Variants in GRIN2B observed in about 807,000 individuals in gnomAD.
GRIN2B encodes glutamate ionotropic receptor NMDA type subunit 2B.
In GRIN2B, 5 loss-of-function variants were observed where a neutral mutation model predicts 114.5. That is an observed-to-expected ratio of 0.04 (90% CI 0.02 to 0.09). GRIN2B has a LOEUF of 0.09. Ranked by LOEUF, GRIN2B falls within the 10% of genes least tolerant of loss-of-function variation. The pLI is 1.00. For synonymous variants in GRIN2B, 787 were observed against 745.1 expected (o/e 1.06, Z -0.92); for missense variants, 1,108 against 1,943.5 (o/e 0.57, Z 8.08).
chr12:13,620,743 A>G (rs1018427944), intron 5 of GRIN2B, among the ~76,000 whole-genome samples: 3 of 152,198 alleles, frequency 2.0e-5, no homozygotes, highest in Non-Finnish European at 4.4e-5. Context: ...TTTCTTTAGG[A>G]CAGGGGCTTT....
At chr12:13,793,173 G>A (rs966045718) in intron 3 of GRIN2B, among the ~76,000 whole-genome samples, 5 of 152,060 alleles carry the variant, frequency 3.3e-5, no homozygotes, top group African/African-American at 7.3e-5. Context: ...TTGGGAGGCC[G>A]AGGCGAGCAG....
intron 2 of GRIN2B, among the ~76,000 whole-genome samples, chr12:13,882,863 C>A (rs1866091739): frequency 6.6e-6 from 1 of 152,104 alleles, no homozygotes. Flanking sequence ...ACCACCATAA[C>A]CAAGATATAA....
chr12:13,954,575 C>T (rs754873485), intron 2 of GRIN2B, among the ~76,000 whole-genome samples: 13 of 151,824 alleles, frequency 8.6e-5, no homozygotes, highest in African/African-American at 1.7e-4. Context: ...TTTGGGAGGC[C>T]GAGGCGGGTG....
chr12:13,540,664 C>G lies in GRIN2B; in HGVS notation c.*22119G>C. ...AAAAAGACCCAGTCATCCGCCCCTC[C>G]CCCCACTCCAGAATCTCAATTGATC... On this transcript the variant is annotated 3_prime_UTR_variant, in exon 14 of 14. Coordinates refer to ENST00000609686, the MANE Select transcript of GRIN2B (RefSeq NM_000834.5). The G allele has an allele frequency of 6.6e-6, 1 of 151,962 alleles. No homozygotes were observed. Among genetic ancestry groups the G allele is most frequent in the Non-Finnish European group, 1.5e-5 (1 of 68,002 alleles). The allele number at this position is 151,962 out of a possible 1,614,324, so 9.4% of individuals were successfully genotyped here. A position where few individuals can be genotyped will look rare whatever the true frequency, so the allele number is the denominator to read the frequency against.
Position 13,822,070 on chromosome 12 carries a change from A to G in GRIN2B, c.411+43728T>C, listed in dbSNP as rs1591751235. Among the ~76,000 whole-genome samples, 3 of 152,254 alleles carry G rather than the reference A, an allele frequency of 2.0e-5. No homozygotes were observed. The South Asian group carries it at 6.2e-4, about 32-fold the overall frequency. The stretch of plus-strand genomic sequence containing the variant: ...ACAATTTCATTTCCTCTGCTTTTCT[A>G]TTCTGCCTTCTGAACTATAAGTATT... On this transcript the variant is annotated intron_variant, in intron 3 of 13. Transcript: ENST00000609686.
intron 2 of GRIN2B, among the ~76,000 whole-genome samples, chr12:13,892,604 A>C (rs1866282538): frequency 6.6e-6 from 1 of 152,200 alleles, no homozygotes; most frequent in Non-Finnish European, 1.5e-5. Flanking sequence ...CAGCTTGCTT[A>C]TTCCACTTAG....
intron 2 of GRIN2B, among the ~76,000 whole-genome samples, chr12:13,920,332 T>TC (rs1214465934): frequency 6.6e-6 from 1 of 151,766 alleles, no homozygotes; most frequent in East Asian, 1.9e-4. Context: ...TTTCCCCAAC[T>TC]CACTTACGCT....
chr12:13,907,798 A>C lies in GRIN2B; in HGVS notation c.-18-41572T>G, dbSNP rs1440207394. 2.6e-5 allele frequency among the ~76,000 whole-genome samples: 4 copies of C among 152,134 alleles called. No homozygotes were observed. In the East Asian group the frequency reaches 7.7e-4, roughly 29 times the overall value. ...GTTATACCTCAATTTTTTTAAAAAAAAGTATATGAACAAGAGCTCAAGACA... is the reference window on the plus strand; with the variant it reads ...GTTATACCTCAATTTTTTTAAAAAACAGTATATGAACAAGAGCTCAAGACA... On this transcript the variant is annotated intron_variant, in intron 2 of 13. Transcript: ENST00000609686.
chr12:13,603,364 A>G (rs1282869339), intron 10 of GRIN2B, among the ~76,000 whole-genome samples: 1 of 152,198 alleles, frequency 6.6e-6, no homozygotes, highest in African/African-American at 2.4e-5. Context: ...AAAGTGAATA[A>G]CTGGAAAGAG....
At chr12:13,961,627 T>C (rs1056796454) in intron 2 of GRIN2B, among the ~76,000 whole-genome samples, 1 of 152,220 alleles carries the variant, frequency 6.6e-6, no homozygotes, top group African/African-American at 2.4e-5. Flanking sequence ...CTAAGTTCTT[T>C]CCCTCTGGGC....
intron 3 of GRIN2B, among the ~76,000 whole-genome samples, chr12:13,799,673 G>A (rs1443227805): frequency 2.0e-5 from 3 of 151,986 alleles, no homozygotes; most frequent in African/African-American, 4.8e-5. Context: ...GGCAGCTGCA[G>A]TACATAATAA....
intron 3 of GRIN2B, among the ~76,000 whole-genome samples, chr12:13,825,275 T>A (rs1865011994): frequency 6.6e-6 from 1 of 151,866 alleles, no homozygotes; most frequent in Admixed American, 6.6e-5. Flanking sequence ...ACAGAACACA[T>A]TTTGTATAAT....
Position 13,547,981 on chromosome 12 carries a change from A to ATATATATATATATTT in GRIN2B, c.*14801_*14802insAAATATATATATATA. ...TGTGTATATATATATATATATATAT[A>ATATATATATATATTT]TTTTTTTTTTTTTTCTGAAAGCTAC... is the stretch of plus-strand genomic sequence containing the variant. On this transcript the variant is annotated 3_prime_UTR_variant, in exon 14 of 14. Transcript: ENST00000609686. The ATATATATATATATTT allele has an allele frequency of 5.8e-5, 4 of 68,548 alleles. No homozygotes were observed. The highest frequency in any genetic ancestry group is 7.7e-3 in the Middle Eastern group (1 of 130). 4.2% of individuals were successfully genotyped at this position (68,548 alleles called of 1,614,324 possible).
chr12:13,613,625 T>C (rs1355577948), intron 8 of GRIN2B, among the ~76,000 whole-genome samples: 1 of 152,146 alleles, frequency 6.6e-6, no homozygotes. Flanking sequence ...AAGGCTACCA[T>C]AGCTGGATTT....
At chr12:13,886,740 A>G (rs1866165343) in intron 2 of GRIN2B, among the ~76,000 whole-genome samples, 1 of 151,686 alleles carries the variant, frequency 6.6e-6, no homozygotes, top group Non-Finnish European at 1.5e-5. Context: ...TCTATAATAA[A>G]CCTCCTAATG....
intron 4 of GRIN2B, among the ~76,000 whole-genome samples, chr12:13,729,336 T>C (rs1863043308): frequency 6.6e-6 from 1 of 152,174 alleles, no homozygotes; most frequent in Non-Finnish European, 1.5e-5. Context: ...GTTTGGGTCA[T>C]CTTTAGTCAT....
chr12:13,698,657 G>A (rs913840597), intron 4 of GRIN2B, among the ~76,000 whole-genome samples: 10 of 151,946 alleles, frequency 6.6e-5, no homozygotes, highest in African/African-American at 2.2e-4. Flanking sequence ...TTGATCATCC[G>A]CATACAGTAC....
intron 2 of GRIN2B, among the ~76,000 whole-genome samples, chr12:13,909,477 G>A (rs1565583293): frequency 2.0e-5 from 3 of 152,192 alleles, no homozygotes; most frequent in Non-Finnish European, 4.4e-5. Flanking sequence ...GAAATAATGA[G>A]CACTGTTCTT....
At position 13,611,576 on chromosome 12, in the gene GRIN2B, C is replaced by T. The variant is rs1591640362; in HGVS notation, c.1780+149G>A. On this transcript the variant is annotated intron_variant, in intron 9 of 13. Coordinates refer to ENST00000609686, the MANE Select transcript of GRIN2B (RefSeq NM_000834.5). ...TAACTGGGGTATTTCTAAAGAGACG[C>T]CAAGCTGGTGACTTAGAAATGTTCA... 5 of 830,898 alleles carry T rather than the reference C, an allele frequency of 6.0e-6. No individual in the cohort carries two copies. In the East Asian group the frequency reaches 1.2e-4, roughly 20 times the overall value. The allele number at this position is 830,898 out of a possible 1,614,324, so 51.5% of individuals were successfully genotyped here.
Sources: allele counts gnomAD v4.1 joint callset (sites outside exome capture counted in the v4.1 genomes callset), GRCh38; gene constraint gnomAD v4.1.1; transcripts MANE v1.5; gene names NCBI Gene and HGNC (gene_info 2026-07-23, HGNC 2026-07-21).